Variants in MON2 observed in about 807,000 individuals in gnomAD.
The protein encoded by MON2 is protein MON2 homolog.
Under a neutral mutation model 208.6 loss-of-function variants are expected in MON2, and 84 were observed. The observed-to-expected ratio is 0.40, with a 90% CI of 0.34 to 0.48. The LOEUF (loss-of-function observed/expected upper bound fraction) is 0.48, where lower values mean the gene tolerates loss of function less well. MON2 is among the 20% of genes least tolerant of loss of function. MON2 has a pLI of 0.59. For missense variants in MON2, 1,611 were observed against 2,015.4 expected (o/e 0.80, Z 3.84); for synonymous variants, 660 against 694.0 (o/e 0.95, Z 0.77).
chr12:62,590,458 A>G (rs968887549), intron 34 of MON2, among the ~76,000 whole-genome samples: 2 of 152,238 alleles, frequency 1.3e-5, no homozygotes, highest in Admixed American at 1.3e-4. Context: ...GTATACATAT[A>G]CATGGTCCAA....
chr12:62,500,214 G>A (rs1056182345), intron 5 of MON2, among the ~76,000 whole-genome samples: 5 of 152,168 alleles, frequency 3.3e-5, no homozygotes, highest in African/African-American at 1.2e-4. Flanking sequence ...TTTTCAGGTA[G>A]TCGTTAAGTC....
chr12:62,587,264 T>C (rs1240083818), intron 33 of MON2, among the ~76,000 whole-genome samples: 1 of 152,166 alleles, frequency 6.6e-6, no homozygotes, highest in Non-Finnish European at 1.5e-5. Context: ...GTTAAATAAG[T>C]ACCATTGTAA....
At chr12:62,580,246 T>C (rs749191830) in intron 31 of MON2, 51 bp from the exon 32 acceptor site, 2 of 1,546,292 alleles carry the variant, frequency 1.3e-6, no homozygotes, top group Middle Eastern at 3.6e-4. Flanking sequence ...GAAATTATTT[T>C]AGTCTCTTTC....
intron 1 of MON2, among the ~76,000 whole-genome samples, chr12:62,483,255 C>T (rs919766891): frequency 6.6e-6 from 1 of 152,064 alleles, no homozygotes; most frequent in African/African-American, 2.4e-5. Context: ...TTAATAGCCA[C>T]ATGTAGCCAA....
chr12:62,480,734 A>G (rs2069375479), intron 1 of MON2, among the ~76,000 whole-genome samples: 1 of 152,196 alleles, frequency 6.6e-6, no homozygotes, highest in Non-Finnish European at 1.5e-5. Context: ...ACGCTACAGG[A>G]TGGATTTTGG....
intron 26 of MON2, among the ~76,000 whole-genome samples, chr12:62,564,029 CATT>C (rs1166982325): frequency 6.6e-6 from 1 of 151,968 alleles, no homozygotes; most frequent in Non-Finnish European, 1.5e-5. Context: ...TCAAATTCTT[CATT>C]ATTTCTGAGA....
chr12:62,528,542 TAAG>T (rs2072455969), intron 11 of MON2, among the ~76,000 whole-genome samples: 1 of 152,236 alleles, frequency 6.6e-6, no homozygotes, highest in Non-Finnish European at 1.5e-5. Context: ...AACAGTGAGT[TAAG>T]AAAGTATGTG....
chr12:62,545,664 C>T (rs538088799), intron 21 of MON2: 1 of 152,192 alleles, frequency 6.6e-6, no homozygotes, highest in East Asian at 1.9e-4. Context: ...ATTATATGTG[C>T]TACTGAAGCA....
intron 8 of MON2, among the ~76,000 whole-genome samples, chr12:62,522,393 A>G (rs772997782): frequency 6.6e-6 from 1 of 152,212 alleles, no homozygotes; most frequent in Non-Finnish European, 1.5e-5. Flanking sequence ...AGACTCCTAC[A>G]TGAATGTGCT....
chr12:62,588,855 G>C (rs2075304330), intron 34 of MON2: 1 of 1,462,716 alleles, frequency 6.8e-7, no homozygotes, highest in South Asian at 1.2e-5. Context: ...TCATTATCCA[G>C]CTTGTATCAG....
Position 62,471,188 on chromosome 12 carries a change from CAT to C in MON2, c.111+3871_111+3872del, listed in dbSNP as rs1178270024. ...AATGTTTTGGGGGAAAATGAGTAGTCATGTGTGTATATTGTTTGAGACGGAGT... is the reference window on the plus strand; with the variant it reads ...AATGTTTTGGGGGAAAATGAGTAGTCGTGTGTATATTGTTTGAGACGGAGT... On this transcript the variant is annotated intron_variant, in intron 1 of 34. Coordinates refer to ENST00000393630, the MANE Select transcript of MON2 (RefSeq NM_015026.3). 2.6e-5 allele frequency among the ~76,000 whole-genome samples: 4 copies of C among 152,042 alleles called. No homozygotes were observed. In the East Asian group the frequency reaches 7.7e-4, roughly 29 times the overall value.
intron 29 of MON2, among the ~76,000 whole-genome samples, chr12:62,569,524 A>G (rs1182321783): frequency 5.3e-5 from 8 of 152,212 alleles, no homozygotes; most frequent in Non-Finnish European, 1.0e-4. Context: ...ACAAGATTAT[A>G]TGTCCAATAG....
chr12:62,505,037 A>C (rs2071030817), intron 7 of MON2, among the ~76,000 whole-genome samples: 1 of 152,208 alleles, frequency 6.6e-6, no homozygotes. Context: ...TGACCCTGAG[A>C]AAGGATGTCT....
At chr12:62,517,436 CA>C (rs2071760128) in intron 8 of MON2, among the ~76,000 whole-genome samples, 1 of 151,982 alleles carries the variant, frequency 6.6e-6, no homozygotes, top group African/African-American at 2.4e-5. Flanking sequence ...CTATATCCCC[CA>C]AAATTAATAT....
intron 1 of MON2, chr12:62,470,775 C>G (rs1053597404): frequency 9.3e-7 from 1 of 1,070,818 alleles, no homozygotes; most frequent in Admixed American, 5.3e-5. Context: ...AAATAGCACA[C>G]GTTGTTAGTA....
At chr12:62,508,243 A>G in intron 7 of MON2, 43 bp from the exon 8 acceptor site, 2 of 1,506,196 alleles carry the variant, frequency 1.3e-6, no homozygotes, top group Non-Finnish European at 1.8e-6. Flanking sequence ...TTAAGTACAA[A>G]TAAAGTTAAT....
At chr12:62,574,993 G>T (rs1205839144) in intron 30 of MON2, among the ~76,000 whole-genome samples, 1 of 152,042 alleles carries the variant, frequency 6.6e-6, no homozygotes, top group Non-Finnish European at 1.5e-5. Flanking sequence ...AGATATGGTG[G>T]CATGTGCCTG....
At chr12:62,473,415 A>G (rs2068894751) in intron 1 of MON2, among the ~76,000 whole-genome samples, 1 of 152,016 alleles carries the variant, frequency 6.6e-6, no homozygotes, top group Admixed American at 6.6e-5. Context: ...TGCCTTTACA[A>G]CTTTCTTGTT....
At chr12:62,518,447 G>A (rs2136155862) in intron 8 of MON2, among the ~76,000 whole-genome samples, 1 of 152,190 alleles carries the variant, frequency 6.6e-6, no homozygotes, top group East Asian at 1.9e-4. Flanking sequence ...TGCAACACTG[G>A]GGTGTTAACT....
Sources: gnomAD v4.1 joint callset for allele counts (sites outside exome capture counted in the v4.1 genomes callset) on GRCh38, gnomAD v4.1.1 for gene constraint, MANE v1.5 for transcripts, NCBI Gene and HGNC (gene_info 2026-07-23, HGNC 2026-07-21) for gene names.